Variants in PIGU observed in about 807,000 individuals in gnomAD.
PIGU encodes the protein phosphatidylinositol glycan anchor biosynthesis class U.
Under a neutral mutation model 49.9 loss-of-function variants are expected in PIGU, and 24 were observed. The observed-to-expected ratio is 0.48, with a 90% CI of 0.35 to 0.68. The LOEUF (loss-of-function observed/expected upper bound fraction) is 0.68, where lower values mean the gene tolerates loss of function less well. Among genes scored for constraint, PIGU ranks in the 30% least tolerant of loss-of-function variants. PIGU has a pLI of 0.01. For missense variants in PIGU, 490 were observed against 532.6 expected (o/e 0.92, Z 0.79); for synonymous variants, 220 against 205.7 (o/e 1.07, Z -0.59).
intron 1 of PIGU, among the ~76,000 whole-genome samples, chr20:34,668,485 G>T (rs6142218): frequency 3.0e-5 from 3 of 98,798 alleles, no homozygotes; most frequent in South Asian, 5.7e-4. Flanking sequence ...AAAAAAAAAG[G>T]GGGGGGCGGG....
chr20:34,602,832 A>T (rs1984477218), intron 7 of PIGU, among the ~76,000 whole-genome samples: 1 of 152,174 alleles, frequency 6.6e-6, no homozygotes, highest in South Asian at 2.1e-4. Context: ...ATGTTCCCTG[A>T]TCCAACCACA....
intron 11 of PIGU, among the ~76,000 whole-genome samples, chr20:34,571,978 A>T (rs1214181870): frequency 6.6e-6 from 1 of 152,096 alleles, no homozygotes; most frequent in African/African-American, 2.4e-5. Flanking sequence ...CAGCCCCAGG[A>T]AGTACTTGGA....
chr20:34,606,180 G>A (rs1286502647), intron 7 of PIGU, among the ~76,000 whole-genome samples: 1 of 150,084 alleles, frequency 6.7e-6, no homozygotes, highest in African/African-American at 2.5e-5. Flanking sequence ...GCTTGAACCT[G>A]AGAGGCGGAG....
chr20:34,560,792 T>C lies in PIGU; in HGVS notation c.*74A>G. The C allele has an allele frequency of 8.6e-7, 1 of 1,168,332 alleles. No individual in the cohort carries two copies. The allele number at this position is 1,168,332 out of a possible 1,614,324, so 72.4% of individuals were successfully genotyped here. ...GCCCAAGCACTCGCCTGCTGGCAAC[T>C]CTGGCTGGAGGGCTTGGCCCAGCTT... On this transcript the variant is annotated 3_prime_UTR_variant, in exon 12 of 12. Coordinates refer to ENST00000217446, the MANE Select transcript of PIGU (RefSeq NM_080476.5).
At chr20:34,635,802 G>A (rs1380568744) in intron 5 of PIGU, among the ~76,000 whole-genome samples, 2 of 152,058 alleles carry the variant, frequency 1.3e-5, no homozygotes, top group Non-Finnish European at 2.9e-5. Flanking sequence ...TTGAACCCGG[G>A]AGGCTGAGGT....
rs1986735429 is a variant in PIGU at position 34,657,360 on chromosome 20, T to C, written c.131-116A>G. On this transcript the variant is annotated intron_variant, in intron 1 of 11. Transcript: ENST00000217446. ...CGTTTATCTAACCCCCTTTACCTCA[T>C]CCCCAGCAAGTGGCTTTAAGTCTTG... 2 of 697,214 alleles carry C rather than the reference T, an allele frequency of 2.9e-6. 1 individual carries two copies. The highest frequency in any genetic ancestry group is 3.5e-5 in the South Asian group (2 of 57,142). The allele number at this position is 697,214 out of a possible 1,614,324, so 43.2% of individuals were successfully genotyped here. A position where few individuals can be genotyped will look rare whatever the true frequency, so the allele number is the denominator to read the frequency against.
intron 1 of PIGU, among the ~76,000 whole-genome samples, chr20:34,658,368 C>T (rs1410741174): frequency 6.6e-6 from 1 of 152,240 alleles, no homozygotes; most frequent in Admixed American, 6.5e-5. Flanking sequence ...AGCCACCTGC[C>T]TTGGCCTCCC....
At chr20:34,604,501 A>G (rs1381400910) in intron 7 of PIGU, among the ~76,000 whole-genome samples, 3 of 152,238 alleles carry the variant, frequency 2.0e-5, no homozygotes, top group Non-Finnish European at 4.4e-5. Context: ...AAACTGGTAG[A>G]AAACTTTATT....
chr20:34,671,093 A>C (rs1268471471), intron 1 of PIGU, among the ~76,000 whole-genome samples: 2 of 152,198 alleles, frequency 1.3e-5, no homozygotes, highest in African/African-American at 2.4e-5. Context: ...TAGCGAGGTC[A>C]CCTTGGGCAA....
intron 7 of PIGU, among the ~76,000 whole-genome samples, chr20:34,601,666 C>G (rs1387679498): frequency 6.6e-6 from 1 of 152,164 alleles, no homozygotes; most frequent in African/African-American, 2.4e-5. Flanking sequence ...TTTAACCTAC[C>G]ACTGTCTCAC....
At chr20:34,613,325 A>C (rs1413626826) in intron 7 of PIGU, among the ~76,000 whole-genome samples, 1 of 152,220 alleles carries the variant, frequency 6.6e-6, no homozygotes, top group Non-Finnish European at 1.5e-5. Context: ...TTATGTCTGC[A>C]GTCTGGCATA....
At chr20:34,587,874 A>C (rs1172297052) in intron 8 of PIGU, among the ~76,000 whole-genome samples, 1 of 152,090 alleles carries the variant, frequency 6.6e-6, no homozygotes, top group Non-Finnish European at 1.5e-5. Context: ...TATATACCAA[A>C]TTTTCTTTAT....
intron 6 of PIGU, among the ~76,000 whole-genome samples, chr20:34,620,778 G>A (rs544825482): frequency 2.1e-5 from 3 of 142,912 alleles, no homozygotes; most frequent in South Asian, 2.2e-4. Context: ...GCCACTGCAC[G>A]CGACACAGCA....
chr20:34,643,397 G>GA (rs575853040), intron 4 of PIGU, among the ~76,000 whole-genome samples: 1,679 of 152,280 alleles, frequency 0.011, 41 homozygotes, highest in African/African-American at 0.039. Context: ...CAGTGACACA[G>GA]AAAGCACACT....
intron 7 of PIGU, among the ~76,000 whole-genome samples, chr20:34,611,226 C>T (rs1373210704): frequency 2.0e-5 from 3 of 152,116 alleles, no homozygotes; most frequent in Non-Finnish European, 4.4e-5. Flanking sequence ...AACTAAAGAG[C>T]TTCTGCACAG....
intron 4 of PIGU, among the ~76,000 whole-genome samples, chr20:34,638,199 G>A (rs1026358087): frequency 6.6e-6 from 1 of 151,834 alleles, no homozygotes; most frequent in Non-Finnish European, 1.5e-5. Flanking sequence ...CCACACCTTT[G>A]CATTTGACCT....
intron 2 of PIGU, among the ~76,000 whole-genome samples, chr20:34,653,039 C>G (rs985682191): frequency 2.9e-4 from 43 of 149,422 alleles, no homozygotes; most frequent in Non-Finnish European, 1.0e-4. Context: ...GTGGCACTAT[C>G]TCCGCTCACT....
At chr20:34,623,750 A>G (rs1208880629) in intron 6 of PIGU, among the ~76,000 whole-genome samples, 1 of 152,108 alleles carries the variant, frequency 6.6e-6, no homozygotes, top group Non-Finnish European at 1.5e-5. Context: ...TTCCTCCACT[A>G]TCTCTAGGAG....
chr20:34,669,449 T>C (rs1009027524), intron 1 of PIGU, among the ~76,000 whole-genome samples: 1 of 152,030 alleles, frequency 6.6e-6, no homozygotes, highest in African/African-American at 2.4e-5. Context: ...GGTAGATCAC[T>C]TGAGGTCAGG....
Sources: allele counts gnomAD v4.1 joint callset (sites outside exome capture counted in the v4.1 genomes callset), GRCh38; gene constraint gnomAD v4.1.1; transcripts MANE v1.5; gene names NCBI Gene and HGNC (gene_info 2026-07-23, HGNC 2026-07-21).